The following EFCAB6 variants were observed in gnomAD, a reference collection of about 807,000 sequenced individuals.
EFCAB6 encodes the protein EF-hand calcium-binding domain-containing protein 6.
EFCAB6 carries 156 observed loss-of-function variants against 169.8 expected under a neutral mutation model. The observed-to-expected ratio is 0.92, with a 90% confidence interval of 0.81 to 1.05. EFCAB6 has a LOEUF of 1.05. Among genes scored for constraint, EFCAB6 ranks in the 50% least tolerant of loss-of-function variants. The pLI, the probability that EFCAB6 is intolerant of heterozygous loss-of-function variation, is 0.00. For missense variants in EFCAB6, 1,800 were observed against 1,829.1 expected (o/e 0.98, Z 0.29); for synonymous variants, 698 against 676.4 (o/e 1.03, Z -0.50).
At chr22:43,615,999 C>G in intron 20 of EFCAB6, 77 bp from the exon 21 acceptor site, 1 of 1,239,452 alleles carries the variant, frequency 8.1e-7, no homozygotes, top group Non-Finnish European at 1.1e-6. Context: ...TTTCCCTATC[C>G]CCCCTGTTTG....
intron 21 of EFCAB6, among the ~76,000 whole-genome samples, chr22:43,610,492 T>C (rs1355549382): frequency 6.6e-6 from 1 of 152,160 alleles, no homozygotes; most frequent in Non-Finnish European, 1.5e-5. Flanking sequence ...ACATATCCAC[T>C]AGAGTGGAAA....
intron 17 of EFCAB6, among the ~76,000 whole-genome samples, chr22:43,654,671 G>T (rs2056647719): frequency 6.6e-6 from 1 of 152,210 alleles, no homozygotes; most frequent in Admixed American, 6.5e-5. Flanking sequence ...CAGCCAAGGG[G>T]AGCCTCAGGA....
intron 17 of EFCAB6, among the ~76,000 whole-genome samples, chr22:43,639,901 C>CTT (rs759051166): frequency 3.3e-5 from 5 of 151,884 alleles, no homozygotes; most frequent in Admixed American, 6.6e-5. Context: ...GGCTCATTGA[C>CTT]TTCTGTCATC....
chr22:43,645,476 T>G (rs1227331900), intron 17 of EFCAB6, among the ~76,000 whole-genome samples: 4 of 152,210 alleles, frequency 2.6e-5, no homozygotes, highest in East Asian at 3.8e-4. Context: ...TGCTAATCAT[T>G]GACTGTAGTC....
rs186629469 is a variant in EFCAB6, at chr22:43,546,181, C to T, written c.3649-5824G>A. ...ATAATACCAGAACTGACAAGTCAGA[C>T]TTTTTTTTCATTTAAACAAACACAT... On this transcript the variant is annotated intron_variant, in intron 27 of 31. Coordinates refer to ENST00000262726, the MANE Select transcript of EFCAB6 (RefSeq NM_022785.4). Among the ~76,000 whole-genome samples, 791 of 152,108 alleles carry T rather than the reference C, an allele frequency of 5.2e-3. 4 individuals are homozygous for T. The highest frequency in any genetic ancestry group is 0.041 in the Middle Eastern group (12 of 294).
intron 9 of EFCAB6, among the ~76,000 whole-genome samples, chr22:43,716,163 G>A (rs958389436): frequency 6.6e-6 from 1 of 152,126 alleles, no homozygotes; most frequent in African/African-American, 2.4e-5. Context: ...CATTTAAATT[G>A]TTGATGAAGA....
intron 4 of EFCAB6, among the ~76,000 whole-genome samples, chr22:43,772,306 T>C (rs1054405248): frequency 6.6e-6 from 1 of 152,086 alleles, no homozygotes; most frequent in Non-Finnish European, 1.5e-5. Context: ...AGTTCCAAAA[T>C]AGAAGTTGAC....
chr22:43,699,078 T>C (rs202055767), intron 10 of EFCAB6, among the ~76,000 whole-genome samples: 4 of 151,034 alleles, frequency 2.6e-5, no homozygotes, highest in African/African-American at 9.7e-5. Flanking sequence ...AAAAGGATGC[T>C]GAGGCTCGGA....
At chr22:43,613,913 A>AGC (rs2053503748) in intron 21 of EFCAB6, among the ~76,000 whole-genome samples, 1 of 152,086 alleles carries the variant, frequency 6.6e-6, no homozygotes, top group African/African-American at 2.4e-5. Flanking sequence ...GACCACTTGA[A>AGC]GCCAGGAATT....
At chr22:43,684,182 T>G (rs2058104516) in intron 11 of EFCAB6, among the ~76,000 whole-genome samples, 1 of 152,190 alleles carries the variant, frequency 6.6e-6, no homozygotes, top group Non-Finnish European at 1.5e-5. Context: ...CCTCAGTGGC[T>G]GGGAAGCTGG....
chr22:43,657,181 G>C (rs1224894600), intron 17 of EFCAB6, among the ~76,000 whole-genome samples: 1 of 152,068 alleles, frequency 6.6e-6, no homozygotes, highest in Non-Finnish European at 1.5e-5. Flanking sequence ...TGTAGTCCCA[G>C]CTACTCAGGA....
chr22:43,724,445 G>A (rs1306870508), intron 8 of EFCAB6, among the ~76,000 whole-genome samples: 1 of 144,240 alleles, frequency 6.9e-6, no homozygotes, highest in Non-Finnish European at 1.5e-5. Flanking sequence ...TTGGCTTACT[G>A]CAACCTCTGC....
chr22:43,695,226 G>A (rs193227926), intron 10 of EFCAB6, among the ~76,000 whole-genome samples: 12 of 152,016 alleles, frequency 7.9e-5, no homozygotes, highest in Admixed American at 7.2e-4. Context: ...GTTGGAAAAT[G>A]AAATTTTAAA....
At chr22:43,618,742 T>C (rs191517147) in intron 20 of EFCAB6, among the ~76,000 whole-genome samples, 91 of 152,256 alleles carry the variant, frequency 6.0e-4, no homozygotes, top group African/African-American at 1.9e-3. Flanking sequence ...GGAATTCCTG[T>C]TTTTGTCTCT....
At chr22:43,662,949 GA>G (rs1354385054) in intron 17 of EFCAB6, among the ~76,000 whole-genome samples, 1 of 152,192 alleles carries the variant, frequency 6.6e-6, no homozygotes, top group East Asian at 1.9e-4. Flanking sequence ...CCAAGTTCTT[GA>G]ACAGCTTAAC....
chr22:43,600,385 G>A (rs2052412055), intron 22 of EFCAB6, 122 bp from the exon 23 acceptor site: 5 of 1,023,786 alleles, frequency 4.9e-6, no homozygotes, highest in Admixed American at 4.7e-5. Flanking sequence ...TCACCACTCG[G>A]AGCATGCCCT....
At chr22:43,763,937 G>GT in intron 5 of EFCAB6, among the ~76,000 whole-genome samples, 1 of 151,528 alleles carries the variant, frequency 6.6e-6, no homozygotes, top group Non-Finnish European at 1.5e-5. Context: ...TAATTTTTAA[G>GT]TTTTTTGTAG....
chr22:43,725,829 A>G (rs1406286307), intron 8 of EFCAB6, among the ~76,000 whole-genome samples: 1 of 152,226 alleles, frequency 6.6e-6, no homozygotes, highest in Non-Finnish European at 1.5e-5. Context: ...TTATTTTAGA[A>G]CATCCACAAA....
intron 26 of EFCAB6, among the ~76,000 whole-genome samples, chr22:43,569,515 TGAG>T (rs770452253): frequency 2.0e-5 from 3 of 152,216 alleles, no homozygotes; most frequent in Non-Finnish European, 4.4e-5. Context: ...GCTCAAAGCC[TGAG>T]GAGGAGAAGT....
Sources: allele counts gnomAD v4.1 joint callset (sites outside exome capture counted in the v4.1 genomes callset), GRCh38; gene constraint gnomAD v4.1.1; transcripts MANE v1.5; gene names NCBI Gene and HGNC (gene_info 2026-07-23, HGNC 2026-07-21).